Variants in CDKN2A observed in about 807,000 individuals in gnomAD.
CDKN2A encodes cyclin-dependent kinase inhibitor 2A.
Under a neutral mutation model 11.1 loss-of-function variants are expected in CDKN2A, and 3 were observed. That is an observed-to-expected ratio of 0.27 (90% CI 0.12 to 0.70). The LOEUF is 0.70. Ranked by LOEUF, CDKN2A falls within the 30% of genes least tolerant of loss-of-function variation. The pLI, the probability that CDKN2A is intolerant of heterozygous loss-of-function variation, is 0.77. For missense variants in CDKN2A, 265 were observed against 233.6 expected (o/e 1.13, Z -0.88); for synonymous variants, 122 against 108.1 (o/e 1.13, Z -0.80).
chr9:21,994,392 T>A (rs1019303247), intron 1 of CDKN2A: 11 of 1,607,266 alleles, frequency 6.8e-6, no homozygotes, highest in Non-Finnish European at 9.3e-6. Flanking sequence ...GCACCAGAGG[T>A]GAGCAGCGCC....
chr9:21,990,409 C>T (rs975413172), intron 2 of CDKN2A, among the ~76,000 whole-genome samples: 1 of 152,220 alleles, frequency 6.6e-6, no homozygotes, highest in African/African-American at 2.4e-5. Flanking sequence ...TTCCTCCCTC[C>T]CTACCCATCT....
chr9:21,975,163 C>A, upstream of CDKN2A: 11 of 1,175,252 alleles, frequency 9.4e-6, no homozygotes, highest in Non-Finnish European at 1.2e-5. Context: ...GGAAGGAGGA[C>A]TGGGCTCCTC....
rs1819525508 is a variant in CDKN2A, at chr9:21,968,592, C to T, written c.458-350G>A. The T allele has an allele frequency of 6.7e-7, 1 of 1,482,004 alleles. No individual in the cohort carries two copies. The highest frequency in any genetic ancestry group is 1.4e-5 in the African/African-American group (1 of 71,176). 91.8% of individuals were successfully genotyped at this position (1,482,004 alleles called of 1,614,324 possible). ...TTGCTCACAATGCCAGGCGCGAAGG[C>T]GTGAAGATGTGGCCTTTCCCTTCCC... On this transcript the variant is annotated intron_variant, in intron 2 of 2. Coordinates refer to ENST00000304494, the MANE Select transcript of CDKN2A (RefSeq NM_000077.5). This position sits in a 1 kb window ranked among gnomAD's most constrained non-coding sequence, Gnocchi z 4.7.
At chr9:21,981,126 A>G (rs1454152758) in intron 2 of CDKN2A, among the ~76,000 whole-genome samples, 1 of 3,880 alleles carries the variant, frequency 2.6e-4, no homozygotes, top group Non-Finnish European at 7.5e-4. Context: ...ATATACGTGT[A>G]TATATATATA....
At position 21,967,822 on chromosome 9, in the gene CDKN2A, C is replaced by G. The variant is rs981354578; in HGVS notation, c.*407G>C. ...TCTGCCATTTGCTAGCAGTGTGACT[C>G]AAGAGAAGCCAGTAACCCCCCTGAG... On this transcript the variant is annotated 3_prime_UTR_variant, in exon 3 of 3. Coordinates refer to ENST00000304494, the MANE Select transcript of CDKN2A (RefSeq NM_000077.5). 6.3e-6 allele frequency: 2 copies of G among 315,460 alleles called. No homozygotes were observed. The highest frequency in any genetic ancestry group is 1.2e-5 in the Non-Finnish European group (2 of 168,846). The allele number at this position is 315,460 out of a possible 1,614,324, so 19.5% of individuals were successfully genotyped here.
rs149196132 is a variant in CDKN2A at position 21,982,965 on chromosome 9, C to G, written c.-4+10917G>C. On this transcript the variant is annotated intron_variant, in intron 2 of 3. Transcript: ENST00000494262. ...GTTTGAGAGGTCCTCACTCTCCCTACTACAATATGTTTTCCTAATGATAAT... is the reference window on the plus strand; with the variant it reads ...GTTTGAGAGGTCCTCACTCTCCCTAGTACAATATGTTTTCCTAATGATAAT... Among the ~76,000 whole-genome samples, 268 of 152,100 alleles carry G rather than the reference C, an allele frequency of 1.8e-3. 2 individuals carry two copies. The highest frequency in any genetic ancestry group is 6.2e-3 in the African/African-American group (259 of 41,542).
chr9:21,993,094 G>A (rs574447008), intron 2 of CDKN2A, among the ~76,000 whole-genome samples: 1 of 152,252 alleles, frequency 6.6e-6, no homozygotes, highest in South Asian at 2.1e-4. Flanking sequence ...AATTAACATT[G>A]CAGTAAAAAA....
At position 21,994,337 on chromosome 9, in the gene CDKN2A, C is replaced by T. The variant is rs1057521467; in HGVS notation, c.-175-284G>A. On this transcript the variant is annotated intron_variant, in intron 1 of 3. Transcript: ENST00000494262. ...ACCAAGAACCTGCGCACCATGTTCTCGCCGCCTCCAGGGCCGAGCTCGGCA... is the reference window on the plus strand; with the variant it reads ...ACCAAGAACCTGCGCACCATGTTCTTGCCGCCTCCAGGGCCGAGCTCGGCA... 1.2e-6 allele frequency: 2 copies of T among 1,606,058 alleles called. No homozygotes were observed. The highest frequency in any genetic ancestry group is 1.1e-5 in the South Asian group (1 of 90,582).
chr9:21,974,695 C>G lies in CDKN2A; in HGVS notation c.133G>C (p.Gly45Arg), dbSNP rs1328708469. The stretch of plus-strand genomic sequence containing the variant: ...CTACCCACCTGGATCGGCCTCCGAC[C>G]GTAACTATTCGGTGCGTTGGGCAGC... The part of the protein sequence containing the change: ...GALPNAPNSY[G>R]RRPIQVMMMG... Residue 45 changes from glycine to arginine, a missense_variant, in exon 1 of 3, where the codon GGT becomes CGT. Physicochemically the swap from Gly to Arg is moderately radical, Grantham distance 125. Transcript: ENST00000304494. This position sits in a 1 kb window ranked among gnomAD's most constrained non-coding sequence, Gnocchi z 5.2. 1 of 1,613,826 alleles carries G rather than the reference C, an allele frequency of 6.2e-7. No individual in the cohort carries two copies. Among genetic ancestry groups the G allele is most frequent in the East Asian group, 2.2e-5 (1 of 44,878 alleles).
chr9:21,994,188 C>G lies in CDKN2A; in HGVS notation c.-175-135G>C, dbSNP rs1820528469. ...GCCCTAGACGCTGGCTCCTCAGTAGCATCAGCACGAGGGCCACAGCGGCGG... is the reference window on the plus strand; with the variant it reads ...GCCCTAGACGCTGGCTCCTCAGTAGGATCAGCACGAGGGCCACAGCGGCGG... On this transcript the variant is annotated intron_variant, in intron 1 of 3. Coordinates refer to the CDKN2A transcript ENST00000494262. The G allele has an allele frequency of 6.2e-7, 1 of 1,606,018 alleles. No individual in the cohort carries two copies. Among genetic ancestry groups the G allele is most frequent in the Non-Finnish European group, 8.5e-7 (1 of 1,179,890 alleles).
In CDKN2A at chr9:21,974,727, G is replaced by T. The variant is rs1554656344; in HGVS notation, c.101C>A (p.Ala34Glu). 6.2e-7 allele frequency: 1 copy of T among 1,612,826 alleles called. No homozygotes were observed. The change falls in exon 1 of 3, where the codon GCG becomes GAG. Residue 34 changes from alanine to glutamate, a missense_variant. Ala to Glu is a moderately radical substitution (Grantham distance 107). Coordinates refer to ENST00000304494, the MANE Select transcript of CDKN2A (RefSeq NM_000077.5). This position sits in a 1 kb window ranked among gnomAD's most constrained non-coding sequence, Gnocchi z 5.2. ...RVEEVRALLE[A>E]GALPNAPNSY... Reference sequence around the variant, plus strand: ...ATTCGGTGCGTTGGGCAGCGCCCCCGCCTCCAGCAGCGCCCGCACCTCCTC... The same window carrying T: ...ATTCGGTGCGTTGGGCAGCGCCCCCTCCTCCAGCAGCGCCCGCACCTCCTC...
rs199952660 is a variant in CDKN2A at position 21,972,240 on chromosome 9, G to GC, written c.151-1033dup. Among the ~76,000 whole-genome samples, 49 of 151,758 alleles carry GC rather than the reference G, an allele frequency of 3.2e-4. No individual in the cohort carries two copies. In the East Asian group the frequency reaches 3.5e-3, roughly 11 times the overall value. Reference sequence around the variant, plus strand: ...TCCTTCCTGTGGTAGGCTGAATAATGCCCCCCCACCCCCAATGTCTATGTC... The same window carrying GC: ...TCCTTCCTGTGGTAGGCTGAATAATGCCCCCCCCACCCCCAATGTCTATGTC... On this transcript the variant is annotated intron_variant, in intron 1 of 2. Coordinates refer to ENST00000304494, the MANE Select transcript of CDKN2A (RefSeq NM_000077.5).
intron 2 of CDKN2A, among the ~76,000 whole-genome samples, chr9:21,982,401 A>G (rs1435812305): frequency 6.6e-6 from 1 of 152,130 alleles, no homozygotes; most frequent in East Asian, 1.9e-4. Context: ...TACTATTAAA[A>G]TATCTCTAGG....
chr9:21,995,023 A>G lies in CDKN2A; in HGVS notation c.-378T>C, dbSNP rs1356751413. 6.6e-6 allele frequency: 1 copy of G among 152,254 alleles called. No individual in the cohort carries two copies. Among genetic ancestry groups the G allele is most frequent in the Non-Finnish European group, 1.5e-5 (1 of 68,068 alleles). 9.4% of individuals were successfully genotyped at this position (152,254 alleles called of 1,614,324 possible). A position where few individuals can be genotyped will look rare whatever the true frequency, so the allele number is the denominator to read the frequency against. On this transcript the variant is annotated 5_prime_UTR_variant, in exon 1 of 4. Transcript: ENST00000494262. This position sits in a 1 kb window ranked among gnomAD's most constrained non-coding sequence, Gnocchi z 5.7. ...GGAGGCTGAATGTCAGTTTTGAACT[A>G]AAAGCCGCTCCGCTCCTCTTCTAGA...
intron 2 of CDKN2A, among the ~76,000 whole-genome samples, chr9:21,980,647 T>A (rs1820149797): frequency 6.6e-6 from 1 of 152,012 alleles, no homozygotes; most frequent in Non-Finnish European, 1.5e-5. Flanking sequence ...AGAGCATGTA[T>A]TGGTAACAAC....
At chr9:21,970,743 G>A in intron 2 of CDKN2A, 159 bp downstream of exon 2, 1 of 874,370 alleles carries the variant, frequency 1.1e-6, no homozygotes, top group South Asian at 1.5e-5. Flanking sequence ...CCCTGGCGGG[G>A]CAGGGCGATA....
At chr9:21,992,846 AC>A (rs1245286308) in intron 2 of CDKN2A, among the ~76,000 whole-genome samples, 1 of 152,068 alleles carries the variant, frequency 6.6e-6, no homozygotes, top group African/African-American at 2.4e-5. Flanking sequence ...GTTAAAAAAA[AC>A]AACAACCAGG....
intron 2 of CDKN2A, among the ~76,000 whole-genome samples, chr9:21,992,836 GT>G (rs1217119984): frequency 6.6e-6 from 1 of 151,154 alleles, no homozygotes; most frequent in Non-Finnish European, 1.5e-5. Flanking sequence ...ATAAACCACT[GT>G]TAAAAAAAAC....
At chr9:21,994,530 C>T in intron 1 of CDKN2A, 3 of 1,287,196 alleles carry the variant, frequency 2.3e-6, no homozygotes, top group East Asian at 2.7e-5. Flanking sequence ...CCACCCCACC[C>T]CCACTCCCAC....
Sources: gnomAD v4.1 joint callset for allele counts (sites outside exome capture counted in the v4.1 genomes callset) on GRCh38, gnomAD v4.1.1 for gene constraint, Gnocchi (gnomAD v3.1) non-coding constraint, MANE v1.5 for transcripts, NCBI Gene and HGNC (gene_info 2026-07-23, HGNC 2026-07-21) for gene names.